MAP9: variants seen among roughly 807,000 people sequenced by gnomAD.
MAP9 encodes microtubule-associated protein 9.
Under a neutral mutation model 75.2 loss-of-function variants are expected in MAP9, and 80 were observed. The observed-to-expected ratio is 1.06, with a 90% CI of 0.89 to 1.28. The LOEUF (loss-of-function observed/expected upper bound fraction) is 1.28, where lower values mean the gene tolerates loss of function less well. Among genes scored for constraint, MAP9 ranks in the 50% most tolerant of loss-of-function variants. MAP9 has a pLI of 0.00. For synonymous variants in MAP9, 235 were observed against 237.3 expected, an observed-to-expected ratio of 0.99 and a Z score of 0.09; for missense variants, 753 against 719.9, an observed-to-expected ratio of 1.05 and a Z score of -0.53.
chr4:155,355,086 C>G lies in MAP9; in HGVS notation c.1365G>C (p.Arg455Ser). Residue 455 changes from arginine (R) to serine (S), a missense_variant, in exon 10 of 14, where the codon AGG becomes AGC. Physicochemically the swap from Arg to Ser is moderately radical, Grantham distance 110. Transcript: ENST00000311277. The part of the protein sequence containing the change: ...RIKRIESENL[R>S]IQNEQKKAAK... ...GTCAGAATACCTGTTCATTTTGGAT[C>G]CTTAAGTTTTCACTTTCAATTCTTT... The G allele has an allele frequency of 7.1e-7, 1 of 1,404,012 alleles. No individual in the cohort carries two copies. The highest frequency in any genetic ancestry group is 1.3e-5 in the South Asian group (1 of 74,084). 87.0% of individuals were successfully genotyped at this position (1,404,012 alleles called of 1,614,324 possible). A position where few individuals can be genotyped will look rare whatever the true frequency, so the allele number is the denominator to read the frequency against.
chr4:155,342,662 A>G lies in MAP9; in HGVS notation c.*5121T>C, dbSNP rs1460401870. 3 of 152,202 alleles carry G rather than the reference A, an allele frequency of 2.0e-5. No homozygotes were observed. The highest frequency in any genetic ancestry group is 6.5e-5 in the Admixed American group (1 of 15,278). 9.4% of individuals were successfully genotyped at this position (152,202 alleles called of 1,614,324 possible). Reference sequence around the variant, plus strand: ...GAAACATAAAAAGGCATCTAGTTTTATTTATAACATTTCCTTTATTTATCA... The same window carrying G: ...GAAACATAAAAAGGCATCTAGTTTTGTTTATAACATTTCCTTTATTTATCA... On this transcript the variant is annotated 3_prime_UTR_variant, in exon 14 of 14. Coordinates refer to ENST00000311277, the MANE Select transcript of MAP9 (RefSeq NM_001039580.2).
intron 13 of MAP9, 178 bp downstream of exon 13, chr4:155,352,418 T>G: frequency 3.5e-6 from 2 of 570,152 alleles, no homozygotes; most frequent in Non-Finnish European, 6.0e-6. Flanking sequence ...GAAACATTAA[T>G]AGAAATGACT....
chr4:155,376,284 G>A (rs976842347), intron 1 of MAP9: 1 of 153,326 alleles, frequency 6.5e-6, no homozygotes, highest in African/African-American at 2.4e-5. Context: ...AAGGATCGTC[G>A]GCGTAAAAAT....
At chr4:155,348,917 A>C (rs975946509) in intron 13 of MAP9, among the ~76,000 whole-genome samples, 1 of 152,302 alleles carries the variant, frequency 6.6e-6, no homozygotes, top group East Asian at 1.9e-4. Context: ...TGCAAATAAA[A>C]ATAATTTTTT....
In MAP9 at chr4:155,353,002, T is replaced by C; in HGVS notation, c.1598A>G (p.Lys533Arg). The C allele has an allele frequency of 6.5e-7, 1 of 1,541,230 alleles. No homozygotes were observed. Among genetic ancestry groups the C allele is most frequent in the Non-Finnish European group, 8.8e-7 (1 of 1,136,050 alleles). ...KMEYLKEKNR[K>R]EREYERAKKQ... is the part of the protein sequence containing the mutation. ...CTTTGCTCTTTCATATTCTCTCTCC[T>C]TTCTATTTTTCTCTTTAAGATATTC... is the stretch of plus-strand genomic sequence containing the variant. Residue 533 changes from lysine to arginine, a missense_variant, in exon 12 of 14, where the codon AAG becomes AGG. Lys to Arg is a conservative substitution (Grantham distance 26). Coordinates refer to ENST00000311277, the MANE Select transcript of MAP9 (RefSeq NM_001039580.2).
At chr4:155,356,461 T>G (rs1231806006) in intron 8 of MAP9, among the ~76,000 whole-genome samples, 1 of 152,160 alleles carries the variant, frequency 6.6e-6, no homozygotes, top group African/African-American at 2.4e-5. Context: ...ATTGCTCTTT[T>G]TAAATATTTG....
Position 155,355,117 on chromosome 4 carries a change from C to A in MAP9, c.1334G>T (p.Arg445Ile), listed in dbSNP as rs760608575. The change falls in exon 10 of 14, where the codon AGA becomes ATA. Residue 445 changes from arginine (R) to isoleucine (I), a missense_variant. By Grantham distance (97) the Arg-to-Ile change is moderately conservative (BLOSUM62 -3). Transcript: ENST00000311277. ...GTTTTCACTTTCAATTCTTTTTATT[C>A]TGTGCATTTCATGTAAATACACATT... ...KKNVYLHEMHRIKRIESENLR... is the reference protein window; with the variant it reads ...KKNVYLHEMHIIKRIESENLR... 5.7e-5 allele frequency: 81 copies of A among 1,410,804 alleles called. No homozygotes were observed. 87.4% of individuals were successfully genotyped at this position (1,410,804 alleles called of 1,614,324 possible).
chr4:155,352,434 A>C (rs988363802), intron 13 of MAP9, 162 bp downstream of exon 13: 4 of 659,428 alleles, frequency 6.1e-6, no homozygotes, highest in African/African-American at 5.6e-5. Flanking sequence ...TGACTAAGTC[A>C]AAGAAAATAT....
rs1037097366 is a variant in MAP9, at chr4:155,373,580, G to A, written c.161-124C>T. 5.3e-5 allele frequency: 31 copies of A among 579,544 alleles called. No homozygotes were observed. In the East Asian group the frequency reaches 9.4e-4, roughly 18 times the overall value. 35.9% of individuals were successfully genotyped at this position (579,544 alleles called of 1,614,324 possible). A position where few individuals can be genotyped will look rare whatever the true frequency, so the allele number is the denominator to read the frequency against. On this transcript the variant is annotated intron_variant, in intron 3 of 13. Coordinates refer to ENST00000311277, the MANE Select transcript of MAP9 (RefSeq NM_001039580.2). ...ATTCTAACAATGAATAGGCACAAATGTATTTTATAAATAGACTTGCAGCTC... is the reference window on the plus strand; with the variant it reads ...ATTCTAACAATGAATAGGCACAAATATATTTTATAAATAGACTTGCAGCTC...
Position 155,371,911 on chromosome 4 carries a change from T to C in MAP9, c.481+1225A>G, listed in dbSNP as rs143663219. Among the ~76,000 whole-genome samples the C allele has an allele frequency of 1.4e-3, 219 of 152,338 alleles. 1 individual carries two copies. Among genetic ancestry groups the C allele is most frequent in the Middle Eastern group, 6.8e-3 (2 of 294 alleles). On this transcript the variant is annotated intron_variant, in intron 4 of 13. Coordinates refer to ENST00000311277, the MANE Select transcript of MAP9 (RefSeq NM_001039580.2). ...GATTTCACTCACTATACTTAGAAGG[T>C]ACATTTTAACAAGTTAATTGTTTCA... is the stretch of plus-strand genomic sequence containing the variant.
intron 9 of MAP9, 106 bp downstream of exon 9, chr4:155,355,610 A>T: frequency 1.3e-6 from 1 of 787,104 alleles, no homozygotes; most frequent in Non-Finnish European, 1.9e-6. Context: ...AATAAATTTA[A>T]GTATTAAACC....
chr4:155,355,256 A>G, intron 9 of MAP9, 96 bp from the exon 10 acceptor site: 2 of 448,322 alleles, frequency 4.5e-6, no homozygotes, highest in South Asian at 5.4e-5. Flanking sequence ...CACATGTACA[A>G]TTTTCTAAAG....
chr4:155,354,433 G>GCTAA (rs1731668154), intron 10 of MAP9: 1 of 149,956 alleles, frequency 6.7e-6, no homozygotes, highest in Non-Finnish European at 1.5e-5. Context: ...AAAATTGAAG[G>GCTAA]CTAACTAGTG....
intron 9 of MAP9, among the ~76,000 whole-genome samples, chr4:155,355,491 C>A (rs1242518479): frequency 6.6e-6 from 1 of 152,020 alleles, no homozygotes; most frequent in Non-Finnish European, 1.5e-5. Context: ...CTATAAATTG[C>A]AATGGCATAT....
At chr4:155,373,503 T>C (rs1267695576) in intron 3 of MAP9, 47 bp from the exon 4 acceptor site, 4 of 1,301,038 alleles carry the variant, frequency 3.1e-6, no homozygotes, top group Middle Eastern at 4.9e-4. Context: ...TTTTAAAAAT[T>C]GTCAAGGTTA....
chr4:155,372,366 G>T (rs1732639320), intron 4 of MAP9, among the ~76,000 whole-genome samples: 1 of 152,074 alleles, frequency 6.6e-6, no homozygotes. Context: ...AAAATACAAA[G>T]AATGAAAAAC....
At position 155,373,210 on chromosome 4, in the gene MAP9, T is replaced by A. The variant is rs373435547; in HGVS notation, c.407A>T (p.Asp136Val). ...VKSFSESQNK[D>V]EEFEKDKIKM... ...TATTTTGTCTTTTTCAAATTCCTCA[T>A]CCTTATTTTGAGATTCAGAGAAAGA... Residue 136 changes from aspartate (D) to valine (V), a missense_variant, in exon 4 of 14, where the codon GAT becomes GTT. Physicochemically the swap from Asp to Val is radical, Grantham distance 152. Transcript: ENST00000311277. 7 of 1,606,948 alleles carry A rather than the reference T, an allele frequency of 4.4e-6. No individual in the cohort carries two copies. Among genetic ancestry groups the A allele is most frequent in the Non-Finnish European group, 5.9e-6 (7 of 1,177,088 alleles).
intron 3 of MAP9, among the ~76,000 whole-genome samples, chr4:155,373,972 T>A (rs1732720275): frequency 6.6e-6 from 1 of 152,222 alleles, no homozygotes; most frequent in Non-Finnish European, 1.5e-5. Flanking sequence ...CTAAGTTAAC[T>A]ATACAGCAGT....
intron 6 of MAP9, 102 bp from the exon 7 acceptor site, chr4:155,360,517 C>T (rs77883374): frequency 7.2e-5 from 74 of 1,032,116 alleles, no homozygotes; most frequent in Non-Finnish European, 8.8e-5. Flanking sequence ...TCTATAAACT[C>T]TTTTTTCTTG....
Sources: gnomAD v4.1 joint callset for allele counts (sites outside exome capture counted in the v4.1 genomes callset) on GRCh38, gnomAD v4.1.1 for gene constraint, MANE v1.5 for transcripts, NCBI Gene and HGNC (gene_info 2026-07-23, HGNC 2026-07-21) for gene names.